Variants in RHOJ observed in about 807,000 individuals in gnomAD.
The protein encoded by RHOJ is ras homolog family member J.
A neutral mutation model predicts 23.4 loss-of-function variants in RHOJ; 11 were observed. The observed-to-expected ratio is 0.47, with a 90% confidence interval of 0.30 to 0.78. The LOEUF (loss-of-function observed/expected upper bound fraction) is 0.78. Ranked by LOEUF, RHOJ falls within the 30% of genes least tolerant of loss-of-function variation. The pLI is 0.08. For missense variants in RHOJ, 254 were observed against 273.4 expected (o/e 0.93, Z 0.50); for synonymous variants, 102 against 102.7 (o/e 0.99, Z 0.04).
At chr14:63,287,003 G>A (rs1303340474) in intron 4 of RHOJ, among the ~76,000 whole-genome samples, 1 of 152,064 alleles carries the variant, frequency 6.6e-6, no homozygotes, top group Non-Finnish European at 1.5e-5. Flanking sequence ...CTCAAATGAG[G>A]AATACAGAAC....
intron 1 of RHOJ, among the ~76,000 whole-genome samples, chr14:63,266,121 G>C (rs1895362379): frequency 6.6e-6 from 1 of 152,186 alleles, no homozygotes. Context: ...CTGTAGACAA[G>C]AGACAGTTTT....
chr14:63,236,748 AACACACACAC>A (rs59297455), intron 1 of RHOJ, among the ~76,000 whole-genome samples: 30 of 138,452 alleles, frequency 2.2e-4, no homozygotes, highest in East Asian at 2.1e-3. Context: ...AGAGGCTTGA[AACACACACAC>A]ACACACACAC....
At chr14:63,241,350 C>G (rs1302405910) in intron 1 of RHOJ, among the ~76,000 whole-genome samples, 2 of 152,164 alleles carry the variant, frequency 1.3e-5, no homozygotes, top group African/African-American at 4.8e-5. Context: ...TCAAGAGGCA[C>G]AGAGACAGGG....
chr14:63,222,059 T>C (rs1367930490), intron 1 of RHOJ, among the ~76,000 whole-genome samples: 1 of 146,500 alleles, frequency 6.8e-6, no homozygotes, highest in Non-Finnish European at 1.5e-5. Context: ...CACCTATGAG[T>C]GAGAACATGC....
chr14:63,269,061 G>A, intron 1 of RHOJ, 49 bp from the exon 2 acceptor site: 1 of 1,350,388 alleles, frequency 7.4e-7, no homozygotes. Flanking sequence ...CCTGATTGAA[G>A]CTTGTGTTTA....
chr14:63,227,003 G>A (rs1213332075), intron 1 of RHOJ, among the ~76,000 whole-genome samples: 1 of 152,166 alleles, frequency 6.6e-6, no homozygotes, highest in Non-Finnish European at 1.5e-5. Context: ...CCAGGTTGGA[G>A]TGCAATGGTG....
intron 1 of RHOJ, among the ~76,000 whole-genome samples, chr14:63,211,409 G>A (rs143740489): frequency 1.3e-5 from 2 of 152,204 alleles, no homozygotes; most frequent in African/African-American, 4.8e-5. Flanking sequence ...AAGTTATAAT[G>A]AGCCATGATC....
chr14:63,283,323 GT>G, intron 4 of RHOJ, 107 bp downstream of exon 4: 2 of 891,326 alleles, frequency 2.2e-6, no homozygotes, highest in Non-Finnish European at 3.6e-6. Context: ...AGTGCAATGT[GT>G]TTAGAATCTT....
chr14:63,219,902 C>G (rs913522798), intron 1 of RHOJ, among the ~76,000 whole-genome samples: 1 of 152,038 alleles, frequency 6.6e-6, no homozygotes, highest in African/African-American at 2.4e-5. Context: ...GCGCATCTCT[C>G]TAAGAGAAAG....
chr14:63,253,632 T>C (rs1452186773), intron 1 of RHOJ, among the ~76,000 whole-genome samples: 2 of 152,234 alleles, frequency 1.3e-5, no homozygotes, highest in Non-Finnish European at 2.9e-5. Context: ...CCATTTCTAT[T>C]TTTAGGCAGG....
intron 2 of RHOJ, among the ~76,000 whole-genome samples, chr14:63,274,246 G>T (rs897540045): frequency 6.6e-6 from 1 of 152,156 alleles, no homozygotes; most frequent in African/African-American, 2.4e-5. Context: ...TGGAAAGTTT[G>T]CCTAAAACCT....
chr14:63,218,107 C>T (rs1052796400), intron 1 of RHOJ, among the ~76,000 whole-genome samples: 13 of 152,104 alleles, frequency 8.5e-5, no homozygotes, highest in African/African-American at 3.1e-4. Context: ...ATTCAATTAT[C>T]CCAGGTTTAT....
intron 2 of RHOJ, among the ~76,000 whole-genome samples, chr14:63,271,376 G>C (rs1012438496): frequency 6.6e-6 from 1 of 152,182 alleles, no homozygotes; most frequent in African/African-American, 2.4e-5. Flanking sequence ...AGACCCATGG[G>C]AGACCTTTCA....
chr14:63,255,973 A>G (rs544467677), intron 1 of RHOJ, among the ~76,000 whole-genome samples: 1 of 152,190 alleles, frequency 6.6e-6, no homozygotes, highest in African/African-American at 2.4e-5. Context: ...GGCTCAAGCA[A>G]TACTCCTGCC....
In RHOJ at chr14:63,281,908, C is replaced by T. The variant is rs574031329; in HGVS notation, c.402+773C>T. On this transcript the variant is annotated intron_variant, in intron 3 of 4. Coordinates refer to ENST00000316754, the MANE Select transcript of RHOJ (RefSeq NM_020663.5). Reference sequence around the variant, plus strand: ...GGGCTTCATTGTTATCTGTTTCATACGCTATTTCTTTCTATTATTCATTTA... The same window carrying T: ...GGGCTTCATTGTTATCTGTTTCATATGCTATTTCTTTCTATTATTCATTTA... 4.9e-4 allele frequency among the ~76,000 whole-genome samples: 74 copies of T among 152,278 alleles called. 1 individual carries two copies. Among genetic ancestry groups the T allele is most frequent in the African/African-American group, 1.5e-3 (62 of 41,568 alleles).
intron 1 of RHOJ, among the ~76,000 whole-genome samples, chr14:63,238,393 G>A (rs17100885): frequency 0.04 from 6,160 of 152,172 alleles, 431 homozygotes; most frequent in African/African-American, 0.14. Flanking sequence ...TCAGAAGAAA[G>A]TCTTGAGCTA....
intron 1 of RHOJ, among the ~76,000 whole-genome samples, chr14:63,232,060 T>C (rs1264223246): frequency 6.6e-6 from 1 of 152,140 alleles, no homozygotes; most frequent in East Asian, 1.9e-4. Context: ...CTTAGGACAC[T>C]GGCATGCCCG....
intron 2 of RHOJ, 66 bp downstream of exon 2, chr14:63,269,234 T>C: frequency 8.5e-7 from 1 of 1,179,522 alleles, no homozygotes. Context: ...TCCATTTGCT[T>C]ATGCAGATGG....
At chr14:63,253,429 A>G (rs997667799) in intron 1 of RHOJ, among the ~76,000 whole-genome samples, 1 of 150,892 alleles carries the variant, frequency 6.6e-6, no homozygotes. Context: ...ATGGGGTTTC[A>G]CTATGTTGCC....
Sources: allele counts gnomAD v4.1 joint callset (sites outside exome capture counted in the v4.1 genomes callset), GRCh38; gene constraint gnomAD v4.1.1; transcripts MANE v1.5; gene names NCBI Gene and HGNC (gene_info 2026-07-23, HGNC 2026-07-21).